Variants in STAU2 observed in about 807,000 individuals in gnomAD.
STAU2 encodes the protein double-stranded RNA-binding protein Staufen homolog 2.
STAU2 carries 20 observed loss-of-function variants against 65.9 expected under a neutral mutation model. The ratio of observed to expected loss-of-function variants is 0.30; its 90% CI spans 0.21 to 0.44. The LOEUF (loss-of-function observed/expected upper bound fraction) is 0.44, where lower values mean the gene tolerates loss of function less well. STAU2 is among the 20% of genes least tolerant of loss of function. The pLI is 1.00. For missense variants in STAU2, 558 were observed against 683.9 expected (o/e 0.82, Z 2.05); for synonymous variants, 232 against 233.9 (o/e 0.99, Z 0.07).
chr8:73,567,056 T>A (rs1808660494), intron 12 of STAU2, among the ~76,000 whole-genome samples: 1 of 152,182 alleles, frequency 6.6e-6, no homozygotes, highest in East Asian at 1.9e-4. Flanking sequence ...CAGGTCTGGA[T>A]CACACCTAAA....
At chr8:73,537,764 A>G (rs1806278245) in intron 13 of STAU2, among the ~76,000 whole-genome samples, 1 of 152,244 alleles carries the variant, frequency 6.6e-6, no homozygotes, top group Non-Finnish European at 1.5e-5. Flanking sequence ...AACATGAAAA[A>G]GAGTATGAAT....
chr8:73,536,585 G>A (rs1806199393), intron 13 of STAU2, among the ~76,000 whole-genome samples: 1 of 152,074 alleles, frequency 6.6e-6, no homozygotes, highest in Non-Finnish European at 1.5e-5. Flanking sequence ...AAGGCCAAAT[G>A]GGGAGTTAGG....
chr8:73,622,842 A>T (rs1813366102), intron 6 of STAU2, among the ~76,000 whole-genome samples: 1 of 152,250 alleles, frequency 6.6e-6, no homozygotes, highest in South Asian at 2.1e-4. Context: ...ATCAAAATGA[A>T]CAGCGTTGTG....
Position 73,669,367 on chromosome 8 carries a change from A to G in STAU2, c.410+3740T>C, listed in dbSNP as rs145948449. On this transcript the variant is annotated intron_variant, in intron 6 of 14. Coordinates refer to ENST00000524300, the MANE Select transcript of STAU2 (RefSeq NM_001164380.2). ...CATCCTTTATTTATGACTTTGGAGA[A>G]ATCATAAATAAAATTATTGTACCCC... 4.1e-3 allele frequency among the ~76,000 whole-genome samples: 617 copies of G among 152,344 alleles called. 6 individuals are homozygous for G. Among genetic ancestry groups the G allele is most frequent in the African/African-American group, 0.014 (584 of 41,568 alleles).
chr8:73,519,757 A>G (rs779522543), intron 13 of STAU2, among the ~76,000 whole-genome samples: 22 of 152,210 alleles, frequency 1.4e-4, no homozygotes, highest in Middle Eastern at 3.2e-3. Flanking sequence ...CTATAAACAC[A>G]TATCAAGTGC....
At chr8:73,592,475 T>C (rs1810894375) in intron 11 of STAU2, among the ~76,000 whole-genome samples, 2 of 152,062 alleles carry the variant, frequency 1.3e-5, no homozygotes, top group African/African-American at 4.8e-5. Flanking sequence ...ACCCTATCTA[T>C]TTTTAAAATC....
At chr8:73,517,609 A>G (rs1194404319) in intron 13 of STAU2, among the ~76,000 whole-genome samples, 1 of 152,200 alleles carries the variant, frequency 6.6e-6, no homozygotes, top group Non-Finnish European at 1.5e-5. Context: ...CAAGCTACAG[A>G]TAACTGAGGT....
chr8:73,691,172 T>C (rs1178985685), intron 4 of STAU2, among the ~76,000 whole-genome samples: 1 of 152,154 alleles, frequency 6.6e-6, no homozygotes, highest in Non-Finnish European at 1.5e-5. Context: ...GTCTACTTGG[T>C]ATTTCCACAA....
intron 4 of STAU2, among the ~76,000 whole-genome samples, chr8:73,696,518 A>T (rs1209750376): frequency 6.6e-6 from 1 of 152,246 alleles, no homozygotes; most frequent in Non-Finnish European, 1.5e-5. Flanking sequence ...TGGAATTCTT[A>T]TCAGATAAAT....
intron 10 of STAU2, among the ~76,000 whole-genome samples, chr8:73,600,755 A>T (rs1384885522): frequency 6.6e-6 from 1 of 152,146 alleles, no homozygotes; most frequent in African/African-American, 2.4e-5. Flanking sequence ...CTAGATTTCC[A>T]TCTGGCCTAT....
chr8:73,713,158 T>A (rs1005491816), intron 3 of STAU2, among the ~76,000 whole-genome samples: 2 of 152,200 alleles, frequency 1.3e-5, no homozygotes, highest in African/African-American at 4.8e-5. Flanking sequence ...TAAGAAACAC[T>A]GGTAAAATAC....
chr8:73,513,255 C>T (rs1414910275), intron 13 of STAU2, among the ~76,000 whole-genome samples: 2 of 152,224 alleles, frequency 1.3e-5, no homozygotes, highest in East Asian at 1.9e-4. Context: ...TGCATCGCTG[C>T]TTATCTCTCT....
At chr8:73,553,143 A>C (rs1471979928) in intron 12 of STAU2, among the ~76,000 whole-genome samples, 1 of 152,204 alleles carries the variant, frequency 6.6e-6, no homozygotes, top group Non-Finnish European at 1.5e-5. Flanking sequence ...TCCTTTGACT[A>C]TCATTTGTCT....
rs564268272 is a variant in STAU2, at chr8:73,628,945, A to G, written c.411-11494T>C. 3.0e-4 allele frequency among the ~76,000 whole-genome samples: 46 copies of G among 152,330 alleles called. No individual in the cohort carries two copies. In the South Asian group the frequency reaches 9.1e-3, roughly 30 times the overall value. On this transcript the variant is annotated intron_variant, in intron 6 of 14. Coordinates refer to ENST00000524300, the MANE Select transcript of STAU2 (RefSeq NM_001164380.2). The stretch of plus-strand genomic sequence containing the variant: ...TCAACTTTGGATGTTTGCCCACTTC[A>G]CATACTCCCAAAAGTAACATGGAGA...
chr8:73,603,488 T>A (rs1350226350), intron 10 of STAU2, among the ~76,000 whole-genome samples: 1 of 152,234 alleles, frequency 6.6e-6, no homozygotes, highest in Admixed American at 6.5e-5. Flanking sequence ...ATAAACTCCA[T>A]GGTAAATAAC....
At chr8:73,687,244 A>ATTTACATT (rs1180557132) in intron 5 of STAU2, among the ~76,000 whole-genome samples, 2 of 95,470 alleles carry the variant, frequency 2.1e-5, no homozygotes, top group Non-Finnish European at 4.2e-5. Flanking sequence ...ATTAATTTAA[A>ATTTACATT]TATAAATTAA....
intron 11 of STAU2, among the ~76,000 whole-genome samples, chr8:73,583,167 G>A (rs1810117438): frequency 6.9e-6 from 1 of 145,780 alleles, no homozygotes; most frequent in Non-Finnish European, 1.5e-5. Flanking sequence ...TTTTTTTTGA[G>A]ACAGAGTCTC....
chr8:73,565,056 A>G (rs1160759226), intron 12 of STAU2, among the ~76,000 whole-genome samples: 1 of 152,250 alleles, frequency 6.6e-6, no homozygotes, highest in Non-Finnish European at 1.5e-5. Context: ...AGTGGGTTAG[A>G]AAATGAATGA....
At chr8:73,545,399 G>C (rs1806836164) in intron 13 of STAU2, among the ~76,000 whole-genome samples, 1 of 152,078 alleles carries the variant, frequency 6.6e-6, no homozygotes, top group Middle Eastern at 3.4e-3. Context: ...AAAAAATTTG[G>C]AAGTTTTTCA....
Sources: allele counts gnomAD v4.1 joint callset (sites outside exome capture counted in the v4.1 genomes callset), GRCh38; gene constraint gnomAD v4.1.1; transcripts MANE v1.5; gene names NCBI Gene and HGNC (gene_info 2026-07-23, HGNC 2026-07-21).